The following SEC22C variants were observed in gnomAD, a reference collection of about 807,000 sequenced individuals.
SEC22C encodes SEC22 homolog C, vesicle trafficking protein.
Under a neutral mutation model 34.7 loss-of-function variants are expected in SEC22C, and 29 were observed. The ratio of observed to expected loss-of-function variants is 0.84; its 90% CI spans 0.62 to 1.14. The LOEUF is 1.14. SEC22C is among the 50% of genes most tolerant of loss of function. SEC22C has a pLI of 0.00. For missense variants in SEC22C, 337 were observed against 369.0 expected (o/e 0.91, Z 0.71); for synonymous variants, 117 against 132.8 (o/e 0.88, Z 0.82).
At chr3:42,585,636 A>G (rs1295920862), upstream of SEC22C, among the ~76,000 whole-genome samples, 2 of 152,102 alleles carry the variant, frequency 1.3e-5, no homozygotes, top group Non-Finnish European at 2.9e-5. Flanking sequence ...ATTCTTCCCA[A>G]TATACTTATA....
At position 42,549,424 on chromosome 3, in the gene SEC22C, G is replaced by A. The variant is rs1430016728; in HGVS notation, c.*3824C>T. The A allele has an allele frequency of 1.0e-6, 1 of 985,454 alleles. No homozygotes were observed. Among genetic ancestry groups the A allele is most frequent in the Non-Finnish European group, 1.2e-6 (1 of 830,056 alleles). The allele number at this position is 985,454 out of a possible 1,614,324, so 61.0% of individuals were successfully genotyped here. A position where few individuals can be genotyped will look rare whatever the true frequency, so the allele number is the denominator to read the frequency against. On this transcript the variant is annotated 3_prime_UTR_variant, in exon 7 of 7. Coordinates refer to ENST00000264454, the MANE Select transcript of SEC22C (RefSeq NM_032970.4). Reference sequence around the variant, plus strand: ...CAGTGTGCAACCCCCATATGCCAAGGGGCAGCTGCTATCTTCCAGCAGAGA... The same window carrying A: ...CAGTGTGCAACCCCCATATGCCAAGAGGCAGCTGCTATCTTCCAGCAGAGA...
chr3:42,597,023 T>TG (rs2125743839), intron 1 of SEC22C, among the ~76,000 whole-genome samples: 1 of 152,344 alleles, frequency 6.6e-6, no homozygotes, highest in South Asian at 2.1e-4. Flanking sequence ...AATCCATGTA[T>TG]GAAAGTTAGC....
chr3:42,590,639 G>A (rs564187627), intron 1 of SEC22C, among the ~76,000 whole-genome samples: 1 of 152,118 alleles, frequency 6.6e-6, no homozygotes, highest in South Asian at 2.1e-4. Flanking sequence ...CGCCAGGTAG[G>A]TCAGCAGTAG....
At chr3:42,579,771 A>C (rs1704202021) in intron 1 of SEC22C, among the ~76,000 whole-genome samples, 2 of 152,232 alleles carry the variant, frequency 1.3e-5, no homozygotes, top group Non-Finnish European at 2.9e-5. Flanking sequence ...CTTGCCTGGT[A>C]CATATTAGGA....
intron 1 of SEC22C, among the ~76,000 whole-genome samples, chr3:42,595,948 C>T (rs1226204250): frequency 1.3e-5 from 2 of 152,168 alleles, no homozygotes; most frequent in Non-Finnish European, 2.9e-5. Flanking sequence ...ACATGTTAAT[C>T]TATGTTAGCA....
intron 3 of SEC22C, among the ~76,000 whole-genome samples, chr3:42,562,921 T>C (rs557383730): frequency 3.3e-5 from 5 of 152,340 alleles, no homozygotes; most frequent in African/African-American, 1.2e-4. Flanking sequence ...ACTGATATTT[T>C]GCTTTAAAAA....
Position 42,568,929 on chromosome 3 carries a change from A to G in SEC22C, c.118T>C (p.Leu40=), listed in dbSNP as rs751480572. The G allele has an allele frequency of 6.2e-6, 10 of 1,614,096 alleles. No homozygotes were observed. In the South Asian group the frequency reaches 9.9e-5, roughly 16 times the overall value. The part of the protein sequence containing the change: ...FLEWRRRLKS[L]ALRLAQYPGR... ...GGATACTGGGCCAGTCGCAAGGCTA[A>G]ACTCTTGAGCCGTCTCCTCCATTCC... Residue 40 remains leucine (L), a synonymous_variant, in exon 2 of 7, where the codon TTA becomes CTA. Coordinates refer to ENST00000264454, the MANE Select transcript of SEC22C (RefSeq NM_032970.4).
intron 2 of SEC22C, chr3:42,566,860 TG>T: frequency 5.0e-6 from 2 of 401,950 alleles, no homozygotes; most frequent in Non-Finnish European, 1.0e-5. Context: ...ATAAATTAGC[TG>T]GGTATAGTGG....
intron 3 of SEC22C, 55 bp from the exon 4 acceptor site, chr3:42,561,351 G>C (rs1702896163): frequency 6.5e-7 from 1 of 1,536,212 alleles, no homozygotes; most frequent in Admixed American, 1.7e-5. Context: ...GATATTATAA[G>C]ACAATACGTA....
chr3:42,593,683 G>C (rs889142771), intron 1 of SEC22C, among the ~76,000 whole-genome samples: 1 of 152,078 alleles, frequency 6.6e-6, no homozygotes, highest in Non-Finnish European at 1.5e-5. Flanking sequence ...CTAGACTCTA[G>C]AATCTATAAG....
Position 42,552,559 on chromosome 3 carries a change from T to C in SEC22C, c.*689A>G. On this transcript the variant is annotated 3_prime_UTR_variant, in exon 7 of 7. Transcript: ENST00000264454. ...ACCCTGCAAATAAATATAAAACATC[T>C]CTGTACCCAAACAGTCCCACCACTA... 1 of 979,142 alleles carries C rather than the reference T, an allele frequency of 1.0e-6. No homozygotes were observed. The highest frequency in any genetic ancestry group is 4.7e-5 in the South Asian group (1 of 21,150). The allele number at this position is 979,142 out of a possible 1,614,324, so 60.7% of individuals were successfully genotyped here.
intron 1 of SEC22C, among the ~76,000 whole-genome samples, chr3:42,570,843 T>C (rs1453339626): frequency 2.0e-5 from 3 of 152,020 alleles, no homozygotes; most frequent in African/African-American, 4.8e-5. Flanking sequence ...CTGACAGACA[T>C]AGGGAAAGGC....
intron 1 of SEC22C, among the ~76,000 whole-genome samples, chr3:42,589,371 G>T (rs1001925220): frequency 2.6e-5 from 4 of 152,212 alleles, no homozygotes; most frequent in African/African-American, 9.6e-5. Context: ...GCTTGCTCAG[G>T]ATCAGGGCCA....
intron 1 of SEC22C, among the ~76,000 whole-genome samples, chr3:42,598,079 T>C (rs1705083004): frequency 6.6e-6 from 1 of 152,214 alleles, no homozygotes; most frequent in Non-Finnish European, 1.5e-5. Context: ...TCTGGGCATA[T>C]ATCCAAAATA....
In SEC22C at chr3:42,550,590, T is replaced by A; in HGVS notation, c.*2658A>T. Reference sequence around the variant, plus strand: ...GTCATTACTTGTACTGTTTTTCTAGTGCATCTTTTCCCTTTTGTTTGCAAA... The same window carrying A: ...GTCATTACTTGTACTGTTTTTCTAGAGCATCTTTTCCCTTTTGTTTGCAAA... On this transcript the variant is annotated 3_prime_UTR_variant, in exon 7 of 7. Transcript: ENST00000264454. The A allele has an allele frequency of 1.0e-6, 1 of 985,470 alleles. No individual in the cohort carries two copies. Among genetic ancestry groups the A allele is most frequent in the Middle Eastern group, 5.2e-4 (1 of 1,914 alleles). The allele number at this position is 985,470 out of a possible 1,614,324, so 61.0% of individuals were successfully genotyped here.
chr3:42,577,076 G>A (rs1704012679), intron 1 of SEC22C, among the ~76,000 whole-genome samples: 1 of 151,944 alleles, frequency 6.6e-6, no homozygotes, highest in Admixed American at 6.6e-5. Context: ...AAAGAATCTT[G>A]ACCTAAACCT....
chr3:42,549,420 C>T lies in SEC22C; in HGVS notation c.*3828G>A. The T allele has an allele frequency of 1.0e-6, 1 of 985,622 alleles. No homozygotes were observed. The highest frequency in any genetic ancestry group is 1.7e-5 in the African/African-American group (1 of 57,384). The allele number at this position is 985,622 out of a possible 1,614,324, so 61.1% of individuals were successfully genotyped here. Reference sequence around the variant, plus strand: ...GGTGCAGTGTGCAACCCCCATATGCCAAGGGGCAGCTGCTATCTTCCAGCA... The same window carrying T: ...GGTGCAGTGTGCAACCCCCATATGCTAAGGGGCAGCTGCTATCTTCCAGCA... On this transcript the variant is annotated 3_prime_UTR_variant, in exon 7 of 7. Coordinates refer to ENST00000264454, the MANE Select transcript of SEC22C (RefSeq NM_032970.4).
At chr3:42,588,360 G>A (rs769730306) in intron 1 of SEC22C, among the ~76,000 whole-genome samples, 9 of 152,138 alleles carry the variant, frequency 5.9e-5, no homozygotes, top group Non-Finnish European at 1.2e-4. Context: ...AGCTGAGATT[G>A]CACCAATGCA....
Position 42,548,576 on chromosome 3 carries a change from A to G in SEC22C, c.*4672T>C, listed in dbSNP as rs750606560. ...TTTGACATCACTGCTCCCGGATGGG[A>G]GAATCAGAGCTCTCCTCATTTGGGT... On this transcript the variant is annotated 3_prime_UTR_variant, in exon 7 of 7. Coordinates refer to ENST00000264454, the MANE Select transcript of SEC22C (RefSeq NM_032970.4). The G allele has an allele frequency of 1.9e-6, 3 of 1,611,496 alleles. No individual in the cohort carries two copies. In the East Asian group the frequency reaches 6.7e-5, roughly 36 times the overall value.
Sources: allele counts gnomAD v4.1 joint callset (sites outside exome capture counted in the v4.1 genomes callset), GRCh38; gene constraint gnomAD v4.1.1; transcripts MANE v1.5; gene names NCBI Gene and HGNC (gene_info 2026-07-23, HGNC 2026-07-21).